MACROD2: variants seen among roughly 807,000 people sequenced by gnomAD.
MACROD2 encodes the protein mono-ADP ribosylhydrolase 2.
MACROD2 carries 36 observed loss-of-function variants against 70.4 expected under a neutral mutation model. The observed-to-expected ratio is 0.51, with a 90% CI of 0.39 to 0.68. The LOEUF is 0.68. Among genes scored for constraint, MACROD2 ranks in the 30% least tolerant of loss-of-function variants. MACROD2 has a pLI of 0.00. For synonymous variants in MACROD2, 172 were observed against 178.8 expected, an observed-to-expected ratio of 0.96 and a Z score of 0.30; for missense variants, 496 against 538.4, an observed-to-expected ratio of 0.92 and a Z score of 0.78.
At chr20:15,359,613 T>C (rs561533677) in intron 6 of MACROD2, among the ~76,000 whole-genome samples, 2 of 151,982 alleles carry the variant, frequency 1.3e-5, no homozygotes, top group Non-Finnish European at 2.9e-5. Context: ...GTTATAGTTA[T>C]CCAAAGACTA....
At chr20:15,355,406 G>A (rs1179935618) in intron 6 of MACROD2, among the ~76,000 whole-genome samples, 1 of 152,198 alleles carries the variant, frequency 6.6e-6, no homozygotes, top group Non-Finnish European at 1.5e-5. Context: ...ACAGGATAAG[G>A]TTGGGTGGAG....
rs909157660 is a variant in MACROD2, at chr20:14,100,033, A to G, written c.271+14305A>G. ...GATGGGGTTGTTTTATGTAGTTCCT[A>G]TTGAGTTCATGAAAATACAAATGTA... On this transcript the variant is annotated intron_variant, in intron 3 of 17. Coordinates refer to ENST00000684519, the MANE Select transcript of MACROD2 (RefSeq NM_001351661.2). Among the ~76,000 whole-genome samples the G allele has an allele frequency of 7.2e-5, 11 of 152,178 alleles. 1 individual carries two copies. The highest frequency in any genetic ancestry group is 2.1e-4 in the South Asian group (1 of 4,830).
intron 3 of MACROD2, among the ~76,000 whole-genome samples, chr20:14,170,041 A>G (rs2081207292): frequency 4.6e-5 from 7 of 151,960 alleles, no homozygotes; most frequent in Admixed American, 4.6e-4. Context: ...TTACAGGCGC[A>G]TGCCACCATG....
At chr20:14,863,357 G>C (rs920729833) in intron 5 of MACROD2, among the ~76,000 whole-genome samples, 4 of 152,116 alleles carry the variant, frequency 2.6e-5, no homozygotes, top group African/African-American at 9.7e-5. Flanking sequence ...GCCACTTCCA[G>C]TGCCTCTGTA....
chr20:14,675,976 T>G (rs1568732942), intron 4 of MACROD2, among the ~76,000 whole-genome samples: 1 of 151,922 alleles, frequency 6.6e-6, no homozygotes, highest in Non-Finnish European at 1.5e-5. Flanking sequence ...GGTAAAGGGA[T>G]CAATGCAACA....
intron 6 of MACROD2, among the ~76,000 whole-genome samples, chr20:15,383,048 T>G (rs1480693011): frequency 6.6e-6 from 1 of 152,234 alleles, no homozygotes; most frequent in African/African-American, 2.4e-5. Flanking sequence ...TATGAAATCC[T>G]TCGTCTAAAA....
chr20:15,498,412 G>A (rs2047325066), intron 7 of MACROD2, among the ~76,000 whole-genome samples: 1 of 152,236 alleles, frequency 6.6e-6, no homozygotes, highest in South Asian at 2.1e-4. Context: ...TTCTGCGTCT[G>A]TATGGAAAAT....
chr20:14,165,304 A>G (rs1467946361), intron 3 of MACROD2, among the ~76,000 whole-genome samples: 1 of 152,144 alleles, frequency 6.6e-6, no homozygotes, highest in East Asian at 1.9e-4. Context: ...AGGAGTTCAC[A>G]GTGGGAACGT....
chr20:14,036,445 G>T (rs2053311545), intron 2 of MACROD2, among the ~76,000 whole-genome samples: 2 of 152,118 alleles, frequency 1.3e-5, no homozygotes, highest in South Asian at 4.1e-4. Context: ...GCACCTCAGG[G>T]TGTTTTCCGG....
chr20:15,426,954 A>G (rs2046305766), intron 6 of MACROD2, among the ~76,000 whole-genome samples: 1 of 152,132 alleles, frequency 6.6e-6, no homozygotes, highest in South Asian at 2.1e-4. Flanking sequence ...TATGTGCTGC[A>G]AAAGTTGTTA....
At chr20:14,289,154 C>T (rs1455256718) in intron 3 of MACROD2, among the ~76,000 whole-genome samples, 1 of 152,126 alleles carries the variant, frequency 6.6e-6, no homozygotes, top group East Asian at 1.9e-4. Context: ...CTGGGGGACT[C>T]TATTCAGTAC....
intron 5 of MACROD2, among the ~76,000 whole-genome samples, chr20:15,023,878 G>A (rs1479788427): frequency 6.6e-6 from 1 of 152,082 alleles, no homozygotes; most frequent in African/African-American, 2.4e-5. Context: ...CATTTTCACT[G>A]GAGCACACAG....
rs78475655 is a variant in MACROD2, at chr20:15,884,641, G to A, written c.728-1123G>A. ...TTAGGAAACTGCTAAAATAGCTAAG[G>A]CAAATGGCACTGGGAGTCTGAATTT... On this transcript the variant is annotated intron_variant, in intron 9 of 17. Coordinates refer to ENST00000684519, the MANE Select transcript of MACROD2 (RefSeq NM_001351661.2). Among the ~76,000 whole-genome samples the A allele has an allele frequency of 2.2e-4, 34 of 152,118 alleles. No individual in the cohort carries two copies. The South Asian group carries it at 4.4e-3, about 19-fold the overall frequency.
Position 15,566,314 on chromosome 20 carries a change from C to T in MACROD2, c.645+66467C>T, listed in dbSNP as rs2048309658. On this transcript the variant is annotated intron_variant, in intron 8 of 17. Transcript: ENST00000684519. ...GCCTGGCCAACATGGCGAAACCCAC[C>T]CCCCACCGTCTCTACTAAAAAACAA... 2.0e-5 allele frequency among the ~76,000 whole-genome samples: 3 copies of T among 151,758 alleles called. No homozygotes were observed. In the South Asian group the frequency reaches 6.3e-4, roughly 32 times the overall value.
At chr20:14,187,628 G>A (rs189079117) in intron 3 of MACROD2, among the ~76,000 whole-genome samples, 1 of 152,186 alleles carries the variant, frequency 6.6e-6, no homozygotes, top group African/African-American at 2.4e-5. Flanking sequence ...CTAAAATTTT[G>A]TTAAATATGA....
intron 3 of MACROD2, among the ~76,000 whole-genome samples, chr20:14,479,524 G>A (rs190854237): frequency 3.9e-5 from 6 of 152,272 alleles, no homozygotes; most frequent in African/African-American, 4.8e-5. Context: ...GTGGGAGGTT[G>A]TAAGATGCCC....
chr20:14,980,126 A>C (rs1423620646), intron 5 of MACROD2, among the ~76,000 whole-genome samples: 1 of 152,250 alleles, frequency 6.6e-6, no homozygotes, highest in African/African-American at 2.4e-5. Flanking sequence ...TGTCCTCCTA[A>C]AAACTTATTT....
intron 5 of MACROD2, among the ~76,000 whole-genome samples, chr20:14,872,455 G>A (rs2073499852): frequency 1.3e-5 from 2 of 152,228 alleles, no homozygotes; most frequent in Admixed American, 6.5e-5. Context: ...TCTCTCACAT[G>A]ATGTCTGACA....
chr20:15,931,494 C>A (rs556614472), intron 10 of MACROD2, among the ~76,000 whole-genome samples: 43 of 152,040 alleles, frequency 2.8e-4, no homozygotes, highest in Non-Finnish European at 5.3e-4. Flanking sequence ...AATAAAAAAT[C>A]AGTCAGGCTT....
Sources: allele counts gnomAD v4.1 joint callset (sites outside exome capture counted in the v4.1 genomes callset), GRCh38; gene constraint gnomAD v4.1.1; transcripts MANE v1.5; gene names NCBI Gene and HGNC (gene_info 2026-07-23, HGNC 2026-07-21).